The following TDRP variants were observed in gnomAD, a reference collection of about 807,000 sequenced individuals.
TDRP encodes testis development-related protein.
Under a neutral mutation model 10.5 loss-of-function variants are expected in TDRP, and 12 were observed. The observed-to-expected ratio is 1.15, with a 90% CI of 0.73 to 1.86. The LOEUF (loss-of-function observed/expected upper bound fraction) is 1.86. Ranked by LOEUF, TDRP falls within the 40% of genes most tolerant of loss-of-function variation. The pLI, the probability that TDRP is intolerant of heterozygous loss-of-function variation, is 0.00. For missense variants in TDRP, 353 were observed against 229.2 expected (o/e 1.54, Z -3.49); for synonymous variants, 139 against 95.4 (o/e 1.46, Z -2.67).
chr8:539,551 C>G (rs1413861356), intron 1 of TDRP, among the ~76,000 whole-genome samples: 1 of 152,106 alleles, frequency 6.6e-6, no homozygotes. Context: ...CAACTTACTG[C>G]AAATGGGAAA....
At chr8:539,943 AAT>A (rs1159654782) in intron 1 of TDRP, among the ~76,000 whole-genome samples, 2 of 152,254 alleles carry the variant, frequency 1.3e-5, no homozygotes, top group African/African-American at 4.8e-5. Context: ...ATGTCTACAG[AAT>A]ATGTCTAAGC....
intron 1 of TDRP, among the ~76,000 whole-genome samples, chr8:531,436 G>C (rs143471649): frequency 6.6e-6 from 1 of 152,274 alleles, no homozygotes; most frequent in African/African-American, 2.4e-5. Flanking sequence ...GTGCAGTCTT[G>C]CGGGAATGAC....
At chr8:519,699 A>T (rs1468993263) in intron 1 of TDRP, among the ~76,000 whole-genome samples, 1 of 152,152 alleles carries the variant, frequency 6.6e-6, no homozygotes, top group Non-Finnish European at 1.5e-5. Context: ...AGGTGTGACT[A>T]AAAGAGAGTG....
At chr8:515,219 T>G (rs1801726101) in intron 1 of TDRP, among the ~76,000 whole-genome samples, 1 of 152,186 alleles carries the variant, frequency 6.6e-6, no homozygotes, top group South Asian at 2.1e-4. Context: ...TCATTCTCAG[T>G]GTCTTTTCTG....
intron 1 of TDRP, among the ~76,000 whole-genome samples, chr8:499,608 C>A (rs1390394909): frequency 2.0e-5 from 3 of 152,236 alleles, no homozygotes; most frequent in Non-Finnish European, 4.4e-5. Flanking sequence ...AGAAGGTGCA[C>A]AAACAGACAT....
At position 491,014 on chromosome 8, in the gene TDRP, T is replaced by A. The variant is rs542683365; in HGVS notation, c.*1385A>T. On this transcript the variant is annotated 3_prime_UTR_variant, in exon 3 of 3. Transcript: ENST00000324079. ...GACACAGATTATAGATTTAGCTAGA[T>A]GGATGCAAAAGTAATTGCTGTTTTT... 7.9e-5 allele frequency: 12 copies of A among 152,376 alleles called. 2 individuals are homozygous for A. Among genetic ancestry groups the A allele is most frequent in the African/African-American group, 2.9e-4 (12 of 41,582 alleles). The allele number at this position is 152,376 out of a possible 1,614,324, so 9.4% of individuals were successfully genotyped here.
intron 1 of TDRP, among the ~76,000 whole-genome samples, chr8:517,081 C>T (rs918964319): frequency 1.3e-5 from 2 of 152,136 alleles, no homozygotes; most frequent in Non-Finnish European, 2.9e-5. Context: ...GGAAGTCAGA[C>T]ATGCCTCATT....
At chr8:517,962 G>A (rs1404946155) in intron 1 of TDRP, among the ~76,000 whole-genome samples, 1 of 152,172 alleles carries the variant, frequency 6.6e-6, no homozygotes, top group Non-Finnish European at 1.5e-5. Flanking sequence ...AGGGGAGGGA[G>A]GGATGAAAAG....
intron 1 of TDRP, among the ~76,000 whole-genome samples, chr8:514,758 T>G (rs192313564): frequency 6.6e-6 from 1 of 151,986 alleles, no homozygotes; most frequent in African/African-American, 2.4e-5. Context: ...TCCAGCTCTA[T>G]AGGGGAAGGC....
intron 1 of TDRP, among the ~76,000 whole-genome samples, chr8:535,612 C>A (rs1010120063): frequency 1.3e-4 from 20 of 152,200 alleles, no homozygotes; most frequent in Admixed American, 3.3e-4. Flanking sequence ...ACATCCACTC[C>A]CCAAAGGCAG....
chr8:490,775 C>A lies in TDRP; in HGVS notation c.*1624G>T, dbSNP rs1203196355. Reference sequence around the variant, plus strand: ...TATTATGGAACAAAGAAAACCTCCACAACTTCACCATTTCAAGGTTCTAAT... The same window carrying A: ...TATTATGGAACAAAGAAAACCTCCAAAACTTCACCATTTCAAGGTTCTAAT... On this transcript the variant is annotated 3_prime_UTR_variant, in exon 3 of 3. Coordinates refer to ENST00000324079, the MANE Select transcript of TDRP (RefSeq NM_001384899.1). 6.6e-6 allele frequency: 1 copy of A among 152,176 alleles called. No homozygotes were observed. The highest frequency in any genetic ancestry group is 1.5e-5 in the Non-Finnish European group (1 of 68,042). The allele number at this position is 152,176 out of a possible 1,614,324, so 9.4% of individuals were successfully genotyped here.
chr8:521,748 T>G lies in TDRP; in HGVS notation c.108+22902A>C, dbSNP rs144318272. Among the ~76,000 whole-genome samples, 357 of 152,164 alleles carry G rather than the reference T, an allele frequency of 2.3e-3. 1 individual carries two copies. Among genetic ancestry groups the G allele is most frequent in the African/African-American group, 8.2e-3 (342 of 41,488 alleles). ...GGTCATTTGAGATTCTATATGAACT[T>G]TAGAATTTCTTTTCTACTTCAGCAA... On this transcript the variant is annotated intron_variant, in intron 1 of 2. Transcript: ENST00000324079.
Position 544,758 on chromosome 8 carries a change from G to A in TDRP, c.-1C>T. On this transcript the variant is annotated 5_prime_UTR_variant, in exon 1 of 3. Transcript: ENST00000324079. ...CTCGGCCCCGGCCCAGCTTCCACAT[G>A]GTCAGGCGGGCTCCGGCGTCCCTCC... 3 of 1,236,434 alleles carry A rather than the reference G, an allele frequency of 2.4e-6. No homozygotes were observed. The highest frequency in any genetic ancestry group is 5.1e-4 in the Middle Eastern group (2 of 3,914). The allele number at this position is 1,236,434 out of a possible 1,614,324, so 76.6% of individuals were successfully genotyped here.
chr8:499,643 GC>G (rs1801231699), intron 1 of TDRP, among the ~76,000 whole-genome samples: 1 of 152,230 alleles, frequency 6.6e-6, no homozygotes, highest in African/African-American at 2.4e-5. Context: ...CGTGAGGAGT[GC>G]TGTGAGGCCA....
intron 1 of TDRP, among the ~76,000 whole-genome samples, chr8:512,817 C>T (rs910023231): frequency 1.3e-5 from 2 of 151,542 alleles, no homozygotes; most frequent in East Asian, 2.0e-4. Context: ...AATAAAAATA[C>T]AAAAATTAGC....
chr8:526,640 T>C (rs1351554185), intron 1 of TDRP, among the ~76,000 whole-genome samples: 1 of 152,234 alleles, frequency 6.6e-6, no homozygotes, highest in Non-Finnish European at 1.5e-5. Context: ...TCTATGTTCA[T>C]CATATTGGCC....
chr8:496,520 G>A (rs1476972922), intron 1 of TDRP, among the ~76,000 whole-genome samples: 2 of 152,222 alleles, frequency 1.3e-5, no homozygotes, highest in Non-Finnish European at 2.9e-5. Context: ...TGGCCAGGAA[G>A]CAAAGCCAAG....
At chr8:528,353 T>C (rs1183180689) in intron 1 of TDRP, among the ~76,000 whole-genome samples, 5 of 151,968 alleles carry the variant, frequency 3.3e-5, no homozygotes, top group Non-Finnish European at 7.4e-5. Context: ...AGTTTGGAGG[T>C]TACTCAAAAC....
Position 504,210 on chromosome 8 carries a change from G to A in TDRP, c.109-9613C>T, listed in dbSNP as rs564551585. On this transcript the variant is annotated intron_variant, in intron 1 of 2. Coordinates refer to ENST00000324079, the MANE Select transcript of TDRP (RefSeq NM_001384899.1). Reference sequence around the variant, plus strand: ...GCCAGCTGTGTGACCTCCAGGAGTTGTTTTTCCTCCTGTTAATTTCTGCAA... The same window carrying A: ...GCCAGCTGTGTGACCTCCAGGAGTTATTTTTCCTCCTGTTAATTTCTGCAA... 3.9e-5 allele frequency among the ~76,000 whole-genome samples: 6 copies of A among 152,304 alleles called. No homozygotes were observed. In the East Asian group the frequency reaches 1.2e-3, roughly 29 times the overall value.
Sources: gnomAD v4.1 joint callset for allele counts (sites outside exome capture counted in the v4.1 genomes callset) on GRCh38, gnomAD v4.1.1 for gene constraint, MANE v1.5 for transcripts, NCBI Gene and HGNC (gene_info 2026-07-23, HGNC 2026-07-21) for gene names.